The following NWD2 variants were observed in gnomAD, a reference collection of about 807,000 sequenced individuals.
NWD2 encodes the protein NACHT and WD repeat domain containing 2.
Under a neutral mutation model 132.7 loss-of-function variants are expected in NWD2, and 37 were observed. That is an observed-to-expected ratio of 0.28 (90% CI 0.21 to 0.37). NWD2 has a LOEUF of 0.37. NWD2 is among the 10% of genes least tolerant of loss of function. The probability of loss-of-function intolerance (pLI) is 1.00; values close to 1 mark genes in which losing one functional copy is unlikely to be tolerated. For missense variants in NWD2, 1,592 were observed against 2,122.4 expected (o/e 0.75, Z 4.91); for synonymous variants, 705 against 803.0 (o/e 0.88, Z 2.06).
chr4:37,300,460 A>G (rs1364369081), intron 1 of NWD2, among the ~76,000 whole-genome samples: 3 of 152,158 alleles, frequency 2.0e-5, no homozygotes, highest in East Asian at 1.9e-4. Context: ...TTCTTTAAAT[A>G]GACTTTAACA....
chr4:37,374,441 C>A (rs765234434), intron 3 of NWD2, among the ~76,000 whole-genome samples: 1 of 152,092 alleles, frequency 6.6e-6, no homozygotes, highest in Non-Finnish European at 1.5e-5. Context: ...AGGTGGATTG[C>A]AGGGAAGACA....
intron 2 of NWD2, among the ~76,000 whole-genome samples, chr4:37,353,668 TCTCATG>T (rs1479854177): frequency 6.6e-6 from 1 of 152,026 alleles, no homozygotes; most frequent in Non-Finnish European, 1.5e-5. Flanking sequence ...TTCACGAAGT[TCTCATG>T]CTGTGTTTTT....
At chr4:37,371,912 G>A (rs1174355933) in intron 3 of NWD2, among the ~76,000 whole-genome samples, 1 of 152,090 alleles carries the variant, frequency 6.6e-6, no homozygotes, top group Non-Finnish European at 1.5e-5. Flanking sequence ...TGTATTCATG[G>A]TATAAACACT....
intron 2 of NWD2, among the ~76,000 whole-genome samples, chr4:37,354,837 A>G (rs1719839338): frequency 6.6e-6 from 1 of 152,242 alleles, no homozygotes; most frequent in Non-Finnish European, 1.5e-5. Flanking sequence ...AAACACCTGG[A>G]AAGATTAACA....
At chr4:37,332,020 A>G (rs769447641) in intron 2 of NWD2, among the ~76,000 whole-genome samples, 1 of 152,212 alleles carries the variant, frequency 6.6e-6, no homozygotes, top group Non-Finnish European at 1.5e-5. Context: ...CGCCCCTTCC[A>G]GTGATCAGAA....
At chr4:37,287,640 C>T (rs965492954) in intron 1 of NWD2, among the ~76,000 whole-genome samples, 1 of 152,208 alleles carries the variant, frequency 6.6e-6, no homozygotes, top group African/African-American at 2.4e-5. Flanking sequence ...GAAACCAAAT[C>T]TCCCTGGGCA....
At chr4:37,362,009 T>A (rs1457653770) in intron 3 of NWD2, among the ~76,000 whole-genome samples, 2 of 152,124 alleles carry the variant, frequency 1.3e-5, no homozygotes, top group Admixed American at 6.5e-5. Context: ...TAAGTAACAT[T>A]TCTATACACC....
intron 1 of NWD2, 24 bp from the exon 2 acceptor site, chr4:37,325,912 T>C (rs781736216): frequency 7.1e-7 from 1 of 1,412,020 alleles, no homozygotes; most frequent in South Asian, 1.3e-5. Flanking sequence ...ACTCACTTCC[T>C]GTGTGTTTGT....
chr4:37,283,527 A>G (rs1016155220), intron 1 of NWD2, among the ~76,000 whole-genome samples: 1 of 152,126 alleles, frequency 6.6e-6, no homozygotes, highest in African/African-American at 2.4e-5. Context: ...AAAATTCTGA[A>G]CCTCCTGAAC....
chr4:37,266,198 G>T (rs1717748589), intron 1 of NWD2, among the ~76,000 whole-genome samples: 1 of 152,054 alleles, frequency 6.6e-6, no homozygotes, highest in East Asian at 1.9e-4. Flanking sequence ...AATTAGCCTA[G>T]ACATTTTGGT....
chr4:37,326,341 C>T (rs183063281), intron 2 of NWD2, among the ~76,000 whole-genome samples: 6 of 152,234 alleles, frequency 3.9e-5, no homozygotes, highest in Non-Finnish European at 8.8e-5. Context: ...TGAGTTTAAG[C>T]TATGGTTTCT....
At chr4:37,261,680 ACATTCTGATGGGGGGAC>A (rs1717639805) in intron 1 of NWD2, among the ~76,000 whole-genome samples, 1 of 152,260 alleles carries the variant, frequency 6.6e-6, no homozygotes, top group South Asian at 2.1e-4. Flanking sequence ...CATGGTGCTC[ACATTCTGATGGGGGGAC>A]CATAATGTAA....
intron 3 of NWD2, among the ~76,000 whole-genome samples, chr4:37,401,492 G>C (rs1431434904): frequency 6.6e-6 from 1 of 151,922 alleles, no homozygotes; most frequent in African/African-American, 2.4e-5. Context: ...CATTGCTTTG[G>C]GTACTTCCCA....
At chr4:37,254,538 A>C (rs570314187) in intron 1 of NWD2, among the ~76,000 whole-genome samples, 2 of 152,224 alleles carry the variant, frequency 1.3e-5, no homozygotes, top group Non-Finnish European at 2.9e-5. Flanking sequence ...GCTTAAAAGC[A>C]TATGTAGGTA....
At position 37,245,223 on chromosome 4, in the gene NWD2, G is replaced by C. The variant is rs1233871253; in HGVS notation, c.151+5G>C. On this transcript the variant is annotated splice_donor_5th_base_variant and intron_variant, in intron 1 of 6. Coordinates refer to ENST00000309447, the MANE Select transcript of NWD2 (RefSeq NM_001144990.2). ...TCATCAGCGCCAACCCTGAAGGTAC[G>C]TCCCTCGCTCGGGTTTGCCCGTCCG... 2.0e-6 allele frequency: 3 copies of C among 1,533,914 alleles called. No homozygotes were observed. Among genetic ancestry groups the C allele is most frequent in the East Asian group, 4.9e-5 (2 of 40,456 alleles).
chr4:37,446,093 G>A lies in NWD2; in HGVS notation c.4105G>A (p.Gly1369Arg). The stretch of plus-strand genomic sequence containing the variant: ...TGAACACTGTGTGTTAACATCCACC[G>A]GAGATATAATGGTGACATCAGATGA... Reference protein sequence around the residue: ...IVEHCVLTSTGDIMVTSDDKS... With the variant: ...IVEHCVLTSTRDIMVTSDDKS... The change falls in exon 7 of 7, where the codon GGA (glycine) becomes AGA (arginine). Residue 1369 changes from glycine to arginine, a missense_variant. This residue lies in a region of NWD2 where 1,071 missense variants were observed against 1,398.0 expected (regional missense o/e 0.77). Coordinates refer to ENST00000309447, the MANE Select transcript of NWD2 (RefSeq NM_001144990.2). This position sits in a 1 kb window ranked among gnomAD's most constrained non-coding sequence, Gnocchi z 6.7. The A allele has an allele frequency of 6.4e-6, 10 of 1,551,620 alleles. No homozygotes were observed. The highest frequency in any genetic ancestry group is 7.8e-6 in the Non-Finnish European group (9 of 1,146,870).
chr4:37,402,533 T>G (rs1261791281), intron 3 of NWD2, among the ~76,000 whole-genome samples: 1 of 152,226 alleles, frequency 6.6e-6, no homozygotes, highest in Non-Finnish European at 1.5e-5. Flanking sequence ...TTCATTTTCA[T>G]CAGACATTGT....
In NWD2 at chr4:37,445,770, G is replaced by A. The variant is rs994444583; in HGVS notation, c.3782G>A (p.Arg1261Gln). 7 of 1,551,632 alleles carry A rather than the reference G, an allele frequency of 4.5e-6. No homozygotes were observed. The highest frequency in any genetic ancestry group is 1.4e-5 in the African/African-American group (1 of 73,008). ...ENTSAVFFWRRDTGQCMASLQ... is the reference protein window; with the variant it reads ...ENTSAVFFWRQDTGQCMASLQ... ...ACCTCAGCTGTGTTTTTTTGGAGGCGGGACACAGGACAGTGTATGGCAAGC... is the reference window on the plus strand; with the variant it reads ...ACCTCAGCTGTGTTTTTTTGGAGGCAGGACACAGGACAGTGTATGGCAAGC... The change falls in exon 7 of 7, where the codon CGG (arginine) becomes CAG (glutamine). Residue 1261 changes from arginine to glutamine, a missense_variant. Transcript: ENST00000309447. The surrounding 1 kb of genome is among the most constrained non-coding windows in gnomAD (Gnocchi z 4.7).
chr4:37,296,803 A>G (rs940136117), intron 1 of NWD2, among the ~76,000 whole-genome samples: 2 of 152,160 alleles, frequency 1.3e-5, no homozygotes, highest in Admixed American at 1.3e-4. Context: ...TAATTCACCC[A>G]TGTAACAAAA....
Sources: allele counts gnomAD v4.1 joint callset (sites outside exome capture counted in the v4.1 genomes callset), GRCh38; gene constraint gnomAD v4.1.1; regional missense constraint gnomAD v4.1.1; non-coding constraint Gnocchi (gnomAD v3.1); transcripts MANE v1.5; gene names NCBI Gene and HGNC (gene_info 2026-07-23, HGNC 2026-07-21).